The following ABCC6 variants were observed in gnomAD, a reference collection of about 807,000 sequenced individuals.
The protein encoded by ABCC6 is ATP binding cassette subfamily C member 6, also known as ATP-binding cassette sub-family C member 6.
In ABCC6, 126 loss-of-function variants were observed where a neutral mutation model predicts 169.5. The observed-to-expected ratio is 0.74, with a 90% CI of 0.64 to 0.86. ABCC6 has a LOEUF of 0.86. Among genes scored for constraint, ABCC6 ranks in the 40% least tolerant of loss-of-function variants. The probability of loss-of-function intolerance (pLI) is 0.00; values close to 1 mark genes in which losing one functional copy is unlikely to be tolerated. For synonymous variants in ABCC6, 752 were observed against 814.7 expected, an observed-to-expected ratio of 0.92 and a Z score of 1.31; for missense variants, 1,733 against 1,927.2, an observed-to-expected ratio of 0.90 and a Z score of 1.89.
chr16:16,206,899 G>A (rs943194438), intron 7 of ABCC6, among the ~76,000 whole-genome samples: 1 of 152,130 alleles, frequency 6.6e-6, no homozygotes, highest in Non-Finnish European at 1.5e-5. Context: ...CACCTTGAGA[G>A]GCCAAGGCAG....
At chr16:16,169,959 G>A (rs188290283) in intron 21 of ABCC6, 106 bp from the exon 22 acceptor site, 126 of 1,152,242 alleles carry the variant, frequency 1.1e-4, no homozygotes, top group Non-Finnish European at 1.5e-4. Context: ...ATGGCAGATG[G>A]GACCACCACG....
At position 16,169,735 on chromosome 16, in the gene ABCC6, C is replaced by A; in HGVS notation, c.2906G>T (p.Ser969Ile). ...TACTGCAGGGTCGTCCGCCCACAGG[C>A]TCAGCCAGTAGCCCCGGCAGAAGGA... is the stretch of plus-strand genomic sequence containing the variant. ...VASFCRGYWL[S>I]LWADDPAVGG... The change falls in exon 22 of 31, where the codon AGC (serine) becomes ATC (isoleucine). Residue 969 changes from serine to isoleucine, a missense_variant. Physicochemically the swap from Ser to Ile is moderately radical, Grantham distance 142 (BLOSUM62 -2). Coordinates refer to ENST00000205557, the MANE Select transcript of ABCC6 (RefSeq NM_001171.6). 6.2e-7 allele frequency: 1 copy of A among 1,609,116 alleles called. No homozygotes were observed. The highest frequency in any genetic ancestry group is 1.3e-5 in the African/African-American group (1 of 74,970).
intron 15 of ABCC6, chr16:16,184,198 CAAAAAA>C (rs56071235): frequency 2.1e-3 from 148 of 71,864 alleles, no homozygotes; most frequent in South Asian, 0.013. Flanking sequence ...GACTCCGTTT[CAAAAAA>C]AAAAAAAAAA....
chr16:16,207,479 A>T (rs1486633124), intron 7 of ABCC6, among the ~76,000 whole-genome samples: 1 of 152,148 alleles, frequency 6.6e-6, no homozygotes, highest in Non-Finnish European at 1.5e-5. Flanking sequence ...GAGAATCCTG[A>T]CATCATTTGA....
At chr16:16,211,645 C>A (rs190525626) in intron 6 of ABCC6, among the ~76,000 whole-genome samples, 3 of 152,054 alleles carry the variant, frequency 2.0e-5, no homozygotes, top group Non-Finnish European at 4.4e-5. Flanking sequence ...GTCTGAATGC[C>A]GTGTGGTTAG....
Position 16,150,658 on chromosome 16 carries a change from C to T in ABCC6, c.4323G>A (p.Gln1441=). 1 of 1,613,632 alleles carries T rather than the reference C, an allele frequency of 6.2e-7. No individual in the cohort carries two copies. Among genetic ancestry groups the T allele is most frequent in the Non-Finnish European group, 8.5e-7 (1 of 1,179,942 alleles). ...AVDPGTELQM[Q]AMLGSWFAQC... is the part of the protein sequence containing the mutation. ...GTGCAAACCAGCTCCCGAGCATGGC[C>T]TGCATCTGCAGCTCCGTGCCAGGGT... Residue 1441 remains glutamine, a synonymous_variant, in exon 30 of 31, where the codon CAG becomes CAA. Coordinates refer to ENST00000205557, the MANE Select transcript of ABCC6 (RefSeq NM_001171.6).
At chr16:16,166,892 C>T (rs913498067) in intron 22 of ABCC6, among the ~76,000 whole-genome samples, 7 of 131,316 alleles carry the variant, frequency 5.3e-5, no homozygotes, top group South Asian at 3.1e-4. Context: ...AGCAAGACTC[C>T]GTCTCAGAAA....
intron 15 of ABCC6, among the ~76,000 whole-genome samples, chr16:16,184,743 T>TCTG (rs2047592347): frequency 1.3e-5 from 2 of 151,962 alleles, no homozygotes; most frequent in African/African-American, 4.8e-5. Context: ...CTGGTCCCCG[T>TCTG]CTGCAGGAGA....
chr16:16,172,668 T>A (rs1335749380), intron 21 of ABCC6, among the ~76,000 whole-genome samples: 1 of 152,038 alleles, frequency 6.6e-6, no homozygotes, highest in African/African-American at 2.4e-5. Flanking sequence ...AGCTTCAGAC[T>A]CAGATTGGCC....
chr16:16,195,234 G>A lies in ABCC6; in HGVS notation c.1339-2312C>T, dbSNP rs58061908. On this transcript the variant is annotated intron_variant, in intron 10 of 30. Transcript: ENST00000205557. ...GGTGATGTTAGGAACTGTCTACCAA[G>A]AGGCAGGAAAAGTACACAAGCAAAG... Among the ~76,000 whole-genome samples the A allele has an allele frequency of 6.0e-3, 910 of 151,112 alleles. 9 individuals are homozygous for A. The highest frequency in any genetic ancestry group is 0.019 in the African/African-American group (766 of 41,216).
At chr16:16,172,899 G>A (rs1439574516) in intron 21 of ABCC6, among the ~76,000 whole-genome samples, 1 of 151,966 alleles carries the variant, frequency 6.6e-6, no homozygotes, top group Non-Finnish European at 1.5e-5. Flanking sequence ...AACATTAGCT[G>A]GGCATGGTGG....
intron 25 of ABCC6, among the ~76,000 whole-genome samples, chr16:16,160,628 C>CAAAAAAAAAAAAAAA (rs34511090): frequency 1.3e-5 from 1 of 76,382 alleles, no homozygotes; most frequent in Non-Finnish European, 2.3e-5. Context: ...CTGTTTCTAC[C>CAAAAAAAAAAAAAAA]AAAAAAAAAA....
At chr16:16,154,327 T>C (rs1279966626) in intron 29 of ABCC6, among the ~76,000 whole-genome samples, 2 of 152,076 alleles carry the variant, frequency 1.3e-5, no homozygotes, top group Non-Finnish European at 2.9e-5. Context: ...TATCAAACAA[T>C]ATTTTCATAG....
chr16:16,165,415 T>TA (rs900070807), intron 23 of ABCC6, among the ~76,000 whole-genome samples: 8 of 151,880 alleles, frequency 5.3e-5, no homozygotes, highest in African/African-American at 1.9e-4. Context: ...TCTGTCTCTC[T>TA]AAAAAAAAGA....
At chr16:16,170,933 AAAAAAAAAG>A (rs2047041136) in intron 21 of ABCC6, among the ~76,000 whole-genome samples, 1 of 132,118 alleles carries the variant, frequency 7.6e-6, no homozygotes, top group Non-Finnish European at 1.6e-5. Context: ...AAAAAAAAAA[AAAAAAAAAG>A]AAAGAAAGAA....
At position 16,165,607 on chromosome 16, in the gene ABCC6, C is replaced by T; in HGVS notation, c.3306+16G>A. On this transcript the variant is annotated intron_variant, in intron 23 of 30. Transcript: ENST00000205557. The stretch of plus-strand genomic sequence containing the variant: ...GACCTCAGCCGGTCCCGGAAGCCTC[C>T]CTGACCTCTCCGTACCTGAAACCCA... 1 of 1,612,854 alleles carries T rather than the reference C, an allele frequency of 6.2e-7. No individual in the cohort carries two copies. The highest frequency in any genetic ancestry group is 8.5e-7 in the Non-Finnish European group (1 of 1,179,992).
At chr16:16,212,957 G>A (rs911973705) in intron 5 of ABCC6, among the ~76,000 whole-genome samples, 17 of 152,008 alleles carry the variant, frequency 1.1e-4, no homozygotes, top group Admixed American at 2.0e-4. Context: ...CCAATAAGGC[G>A]TGAAGGTGCC....
rs758666711 is a variant in ABCC6, at chr16:16,173,349, C to T, written c.2722G>A (p.Val908Ile). Reference sequence around the variant, plus strand: ...GCCCTGTCAGGGTCATCCAGAGGAACCTCTGTCTGGGCTTCTGAAGTGGTA... The same window carrying T: ...GCCCTGTCAGGGTCATCCAGAGGAATCTCTGTCTGGGCTTCTGAAGTGGTA... Reference protein sequence around the residue: ...DRTTSEAQTEVPLDDPDRAGW... With the variant: ...DRTTSEAQTEIPLDDPDRAGW... The change falls in exon 21 of 31, where the codon GTT becomes ATT. Residue 908 changes from valine to isoleucine, a missense_variant. Val to Ile is a conservative substitution (Grantham distance 29, BLOSUM62 3). Transcript: ENST00000205557. 1.9e-6 allele frequency: 3 copies of T among 1,614,092 alleles called. No individual in the cohort carries two copies. The highest frequency in any genetic ancestry group is 1.1e-5 in the South Asian group (1 of 91,080).
intron 4 of ABCC6, among the ~76,000 whole-genome samples, chr16:16,217,827 C>T (rs546029600): frequency 5.9e-5 from 9 of 151,544 alleles, no homozygotes; most frequent in East Asian, 5.9e-4. Flanking sequence ...CTGTGGCTCA[C>T]GCCTGTAATC....
Sources: gnomAD v4.1 joint callset for allele counts (sites outside exome capture counted in the v4.1 genomes callset) on GRCh38, gnomAD v4.1.1 for gene constraint, MANE v1.5 for transcripts, NCBI Gene and HGNC (gene_info 2026-07-23, HGNC 2026-07-21) for gene names.